The following PLPP4 variants were observed in gnomAD, a reference collection of about 807,000 sequenced individuals.
The protein encoded by PLPP4 is diacylglycerol pyrophosphate like 2.
Under a neutral mutation model 32.2 loss-of-function variants are expected in PLPP4, and 20 were observed. The observed-to-expected ratio is 0.62, with a 90% CI of 0.44 to 0.90. PLPP4 has a LOEUF of 0.90. PLPP4 is among the 40% of genes least tolerant of loss of function. The pLI is 0.00. For missense variants in PLPP4, 257 were observed against 353.1 expected (o/e 0.73, Z 2.18); for synonymous variants, 127 against 133.0 (o/e 0.95, Z 0.31).
At chr10:120,519,110 C>T (rs1305893120) in intron 4 of PLPP4, among the ~76,000 whole-genome samples, 2 of 152,172 alleles carry the variant, frequency 1.3e-5, no homozygotes, top group Non-Finnish European at 2.9e-5. Context: ...GAAGTGCCCA[C>T]TGACTGCACT....
At chr10:120,460,611 C>T (rs1318791733) in intron 1 of PLPP4, among the ~76,000 whole-genome samples, 1 of 152,136 alleles carries the variant, frequency 6.6e-6, no homozygotes, top group African/African-American at 2.4e-5. Context: ...GATGAAGAAA[C>T]TGAAGCACAG....
At chr10:120,463,431 C>G (rs1848164490) in intron 1 of PLPP4, among the ~76,000 whole-genome samples, 2 of 152,216 alleles carry the variant, frequency 1.3e-5, no homozygotes, top group African/African-American at 2.4e-5. Flanking sequence ...CTGCCACTAA[C>G]TAACAATTGC....
At chr10:120,579,015 T>C (rs1194210468) in intron 6 of PLPP4, among the ~76,000 whole-genome samples, 4 of 152,222 alleles carry the variant, frequency 2.6e-5, no homozygotes, top group Non-Finnish European at 5.9e-5. Context: ...GTCATTAAAC[T>C]GACTCCTGCC....
rs1249674732 is a variant in PLPP4 at position 120,574,801 on chromosome 10, T to C, written c.446-330T>C. Among the ~76,000 whole-genome samples, 4 of 152,236 alleles carry C rather than the reference T, an allele frequency of 2.6e-5. No homozygotes were observed. In the East Asian group the frequency reaches 7.7e-4, roughly 29 times the overall value. On this transcript the variant is annotated intron_variant, in intron 5 of 6. Coordinates refer to ENST00000398250, the MANE Select transcript of PLPP4 (RefSeq NM_001030059.3). ...TCAACTAGACCATGAGCCTCTTGAC[T>C]CCAGAGATAGTATCTGATGCATCTT...
At chr10:120,460,615 A>G (rs1847999293) in intron 1 of PLPP4, among the ~76,000 whole-genome samples, 1 of 152,192 alleles carries the variant, frequency 6.6e-6, no homozygotes, top group African/African-American at 2.4e-5. Context: ...AAGAAACTGA[A>G]GCACAGTAAA....
intron 5 of PLPP4, among the ~76,000 whole-genome samples, chr10:120,532,009 C>T (rs1348023786): frequency 2.0e-5 from 3 of 151,924 alleles, no homozygotes; most frequent in Admixed American, 6.6e-5. Flanking sequence ...TTTGCTGCAC[C>T]CATCAACCCA....
intron 1 of PLPP4, among the ~76,000 whole-genome samples, chr10:120,501,594 G>A (rs1277646358): frequency 1.3e-5 from 2 of 152,180 alleles, no homozygotes; most frequent in Non-Finnish European, 2.9e-5. Flanking sequence ...GGATTTGAAC[G>A]TTGCTGGACC....
intron 5 of PLPP4, among the ~76,000 whole-genome samples, chr10:120,563,153 C>A (rs929694471): frequency 9.2e-5 from 14 of 152,252 alleles, no homozygotes; most frequent in African/African-American, 3.4e-4. Context: ...TCAGGAGAAT[C>A]GCTTGAAGCC....
chr10:120,503,471 C>G, intron 1 of PLPP4: 1 of 1,458,762 alleles, frequency 6.9e-7, no homozygotes, highest in South Asian at 1.2e-5. Flanking sequence ...ATTTTGTTTT[C>G]AAGAGACCAT....
chr10:120,519,540 C>A (rs755425859), intron 4 of PLPP4, among the ~76,000 whole-genome samples: 2 of 151,838 alleles, frequency 1.3e-5, no homozygotes, highest in African/African-American at 2.4e-5. Context: ...AGATAAAAAT[C>A]AGGCAGTACA....
chr10:120,471,806 C>T lies in PLPP4; in HGVS notation c.56+14445C>T, dbSNP rs1336656466. The stretch of plus-strand genomic sequence containing the variant: ...ACTATTTGTTGCATGTGTTCTTTGT[C>T]TCTCTTTTTCTGTCTTCTTTTAGAT... On this transcript the variant is annotated intron_variant, in intron 1 of 6. Coordinates refer to ENST00000398250, the MANE Select transcript of PLPP4 (RefSeq NM_001030059.3). Among the ~76,000 whole-genome samples the T allele has an allele frequency of 2.0e-5, 3 of 151,930 alleles. No homozygotes were observed. The East Asian group carries it at 5.8e-4, about 29-fold the overall frequency.
intron 5 of PLPP4, among the ~76,000 whole-genome samples, chr10:120,526,226 C>G (rs1045067502): frequency 6.6e-6 from 1 of 151,572 alleles, no homozygotes; most frequent in Non-Finnish European, 1.5e-5. Flanking sequence ...CTTTTTTTGT[C>G]TTTTCATGGA....
intron 5 of PLPP4, among the ~76,000 whole-genome samples, chr10:120,568,207 T>C (rs1848774439): frequency 2.6e-5 from 4 of 152,244 alleles, no homozygotes. Flanking sequence ...TCCCTATTGG[T>C]CAGCATTTAA....
intron 1 of PLPP4, among the ~76,000 whole-genome samples, chr10:120,462,218 G>A (rs796152355): frequency 2.0e-5 from 3 of 151,352 alleles, no homozygotes; most frequent in Non-Finnish European, 2.9e-5. Flanking sequence ...TGGCCTCAGT[G>A]TGGGCTTTGG....
At position 120,457,311 on chromosome 10, in the gene PLPP4, G is replaced by T. The variant is rs527890933; in HGVS notation, c.6G>T (p.Arg2=). The T allele has an allele frequency of 8.4e-5, 129 of 1,528,248 alleles. 2 individuals carry two copies. In the South Asian group the frequency reaches 1.5e-3, roughly 18 times the overall value. 94.7% of individuals were successfully genotyped at this position (1,528,248 alleles called of 1,614,324 possible). A position where few individuals can be genotyped will look rare whatever the true frequency, so the allele number is the denominator to read the frequency against. ...GGAGCTGCTCCGGCCGCACCATGCG[G>T]GAGCTGGCCATTGAGATCGGGGTGC... is the stretch of plus-strand genomic sequence containing the variant. M[R]ELAIEIGVRA... Residue 2 remains arginine (R), a synonymous_variant, in exon 1 of 7, where the codon CGG becomes CGT. Transcript: ENST00000398250.
intron 1 of PLPP4, among the ~76,000 whole-genome samples, chr10:120,485,799 C>T (rs1163839864): frequency 6.6e-6 from 1 of 152,212 alleles, no homozygotes; most frequent in Non-Finnish European, 1.5e-5. Context: ...GCTGCTTGCC[C>T]ATCTCTCCTT....
chr10:120,549,993 A>G (rs1368715986), intron 5 of PLPP4, among the ~76,000 whole-genome samples: 3 of 151,972 alleles, frequency 2.0e-5, no homozygotes, highest in Non-Finnish European at 4.4e-5. Flanking sequence ...AGTCAGTACA[A>G]TTAGACAATA....
chr10:120,467,196 A>G (rs1485826835), intron 1 of PLPP4, among the ~76,000 whole-genome samples: 1 of 71,148 alleles, frequency 1.4e-5, no homozygotes, highest in Non-Finnish European at 3.9e-5. Context: ...CTCCTGCCTC[A>G]GCCTCCCGAG....
At chr10:120,523,171 G>T (rs11199376) in intron 5 of PLPP4, among the ~76,000 whole-genome samples, 1 of 152,124 alleles carries the variant, frequency 6.6e-6, no homozygotes, top group Non-Finnish European at 1.5e-5. Context: ...ACTTGGTGGC[G>T]CATGCCTGTA....
Sources: gnomAD v4.1 joint callset for allele counts (sites outside exome capture counted in the v4.1 genomes callset) on GRCh38, gnomAD v4.1.1 for gene constraint, MANE v1.5 for transcripts, NCBI Gene and HGNC (gene_info 2026-07-23, HGNC 2026-07-21) for gene names.